ATP9B: variants seen among roughly 807,000 people sequenced by gnomAD.
ATP9B encodes probable phospholipid-transporting ATPase IIB.
A neutral mutation model predicts 146.1 loss-of-function variants in ATP9B; 110 were observed. The observed-to-expected ratio is 0.75, with a 90% CI of 0.65 to 0.88. The LOEUF is 0.88. Among genes scored for constraint, ATP9B ranks in the 40% least tolerant of loss-of-function variants. The pLI, the probability that ATP9B is intolerant of heterozygous loss-of-function variation, is 0.00. For synonymous variants in ATP9B, 604 were observed against 569.7 expected, an observed-to-expected ratio of 1.06 and a Z score of -0.86; for missense variants, 1,499 against 1,496.4, an observed-to-expected ratio of 1.00 and a Z score of -0.03.
At chr18:79,099,291 A>G (rs1789264) in intron 2 of ATP9B, among the ~76,000 whole-genome samples, 20,797 of 151,554 alleles carry the variant, frequency 0.14, 2,030 homozygotes, top group African/African-American at 0.27. Context: ...GTGTGATGTC[A>G]GCTCACCTCA....
intron 12 of ATP9B, among the ~76,000 whole-genome samples, chr18:79,262,058 G>A (rs1166891649): frequency 6.6e-6 from 1 of 152,086 alleles, no homozygotes; most frequent in Non-Finnish European, 1.5e-5. Context: ...TGAATGGCGT[G>A]TACCCTCGGG....
At chr18:79,153,462 A>G (rs2094722495) in intron 6 of ATP9B, among the ~76,000 whole-genome samples, 1 of 152,196 alleles carries the variant, frequency 6.6e-6, no homozygotes, top group South Asian at 2.1e-4. Flanking sequence ...TTTCACATCT[A>G]TTAAGTGTTT....
chr18:79,347,186 T>C (rs1467266844), intron 23 of ATP9B, among the ~76,000 whole-genome samples: 1 of 152,210 alleles, frequency 6.6e-6, no homozygotes, highest in African/African-American at 2.4e-5. Context: ...TCTGTGTTAC[T>C]CTCTCCTTCT....
At chr18:79,245,693 C>G (rs111912413) in intron 11 of ATP9B, among the ~76,000 whole-genome samples, 12 of 145,348 alleles carry the variant, frequency 8.3e-5, no homozygotes, top group East Asian at 4.2e-4. Flanking sequence ...CACCGCCCTA[C>G]TGACTGTGCG....
intron 26 of ATP9B, among the ~76,000 whole-genome samples, chr18:79,366,158 C>A (rs1046445802): frequency 1.3e-5 from 2 of 152,216 alleles, no homozygotes; most frequent in Non-Finnish European, 2.9e-5. Flanking sequence ...GAGACCCGTC[C>A]GTGGTCGCTA....
intron 11 of ATP9B, among the ~76,000 whole-genome samples, chr18:79,229,710 A>G (rs893461136): frequency 3.9e-5 from 6 of 152,240 alleles, no homozygotes; most frequent in Non-Finnish European, 1.5e-5. Flanking sequence ...GTTTCCTTGC[A>G]TTCTTTAATC....
chr18:79,259,292 G>A (rs888993882), intron 12 of ATP9B, among the ~76,000 whole-genome samples: 1 of 152,174 alleles, frequency 6.6e-6, no homozygotes, highest in African/African-American at 2.4e-5. Context: ...TTCATTTAAA[G>A]TTCTCTGAGG....
chr18:79,094,081 C>T (rs960070760), intron 1 of ATP9B, among the ~76,000 whole-genome samples: 4 of 152,180 alleles, frequency 2.6e-5, no homozygotes, highest in African/African-American at 7.2e-5. Context: ...TAGGTTTAGA[C>T]CCCCAGTTCT....
At chr18:79,354,704 A>G (rs2096941152) in intron 25 of ATP9B, 1 of 151,788 alleles carries the variant, frequency 6.6e-6, no homozygotes, top group Non-Finnish European at 1.5e-5. Context: ...GAAGGCTCTG[A>G]GTGGAGAGCG....
At chr18:79,273,158 G>C (rs908860873) in intron 12 of ATP9B, among the ~76,000 whole-genome samples, 1 of 152,222 alleles carries the variant, frequency 6.6e-6, no homozygotes, top group Non-Finnish European at 1.5e-5. Context: ...GAGGAAGTAG[G>C]AATGTTAACA....
At chr18:79,197,896 A>T (rs2095431259) in intron 9 of ATP9B, among the ~76,000 whole-genome samples, 1 of 152,186 alleles carries the variant, frequency 6.6e-6, no homozygotes, top group South Asian at 2.1e-4. Flanking sequence ...ACGAGAACGG[A>T]TTTTTTCCTT....
intron 1 of ATP9B, among the ~76,000 whole-genome samples, chr18:79,075,746 G>A (rs912595698): frequency 2.6e-5 from 4 of 151,770 alleles, no homozygotes; most frequent in African/African-American, 7.3e-5. Context: ...TTTACCCACC[G>A]CCATTGTCTG....
At chr18:79,264,960 T>C (rs75844420) in intron 12 of ATP9B, among the ~76,000 whole-genome samples, 4,913 of 152,324 alleles carry the variant, frequency 0.032, 120 homozygotes, top group Non-Finnish European at 0.042. Context: ...GTTTGTGATA[T>C]AGGCAGACTT....
intron 9 of ATP9B, among the ~76,000 whole-genome samples, chr18:79,200,703 T>A (rs77759219): frequency 6.5e-5 from 1 of 15,492 alleles, no homozygotes; most frequent in Non-Finnish European, 1.3e-4. Flanking sequence ...AATGTGTTTA[T>A]GTCAGAGCAG....
intron 5 of ATP9B, among the ~76,000 whole-genome samples, chr18:79,141,360 G>A (rs930699973): frequency 6.6e-6 from 1 of 152,112 alleles, no homozygotes; most frequent in Non-Finnish European, 1.5e-5. Context: ...AAATTACCCA[G>A]TTTTGGGTCT....
chr18:79,267,213 C>T (rs576517694), intron 12 of ATP9B, among the ~76,000 whole-genome samples: 1 of 152,084 alleles, frequency 6.6e-6, no homozygotes, highest in East Asian at 1.9e-4. Flanking sequence ...ACAGTTTGTT[C>T]ATATTTTCCT....
chr18:79,108,117 C>T (rs996872588), intron 2 of ATP9B, among the ~76,000 whole-genome samples: 1 of 152,036 alleles, frequency 6.6e-6, no homozygotes, highest in African/African-American at 2.4e-5. Context: ...CCCATGAGCC[C>T]CTGCCATGGG....
intron 26 of ATP9B, chr18:79,364,273 AAAAAAAAGAAAAG>A (rs1202747671): frequency 6.7e-6 from 1 of 150,044 alleles, no homozygotes; most frequent in Admixed American, 6.7e-5. Context: ...CTCAAAAAAA[AAAAAAAAGAAAAG>A]AAAAAAAAGA....
At position 79,120,430 on chromosome 18, in the gene ATP9B, A is replaced by G. The variant is rs576245924; in HGVS notation, c.559-5837A>G. On this transcript the variant is annotated intron_variant, in intron 4 of 29. Coordinates refer to ENST00000426216, the MANE Select transcript of ATP9B (RefSeq NM_198531.5). ...TTGAGATGTTTTTGAAAACAATGAT[A>G]GCTTAATTAATAATATTTCTTTTTC... Among the ~76,000 whole-genome samples the G allele has an allele frequency of 5.9e-5, 9 of 152,340 alleles. No individual in the cohort carries two copies. The East Asian group carries it at 1.7e-3, about 29-fold the overall frequency.
Sources: allele counts gnomAD v4.1 joint callset (sites outside exome capture counted in the v4.1 genomes callset), GRCh38; gene constraint gnomAD v4.1.1; transcripts MANE v1.5; gene names NCBI Gene and HGNC (gene_info 2026-07-23, HGNC 2026-07-21).